The following FAM110B variants were observed in gnomAD, a reference collection of about 807,000 sequenced individuals.
FAM110B encodes the protein protein FAM110B.
In FAM110B, 6 loss-of-function variants were observed where a neutral mutation model predicts 20.4. That is an observed-to-expected ratio of 0.29 (90% CI 0.16 to 0.58). FAM110B has a LOEUF of 0.58. Among genes scored for constraint, FAM110B ranks in the 20% least tolerant of loss-of-function variants. FAM110B has a pLI of 0.90. For synonymous variants in FAM110B, 226 were observed against 214.1 expected (o/e 1.06, Z -0.49); for missense variants, 434 against 498.2 (o/e 0.87, Z 1.23).
chr8:58,121,123 G>A lies in FAM110B; in HGVS notation c.-324-24784G>A, dbSNP rs79941893. The stretch of plus-strand genomic sequence containing the variant: ...GTGGCAAGTTCATGCAGAAAAATCA[G>A]CACTGTAATAGGATGAGGCGCGATG... On this transcript the variant is annotated intron_variant, in intron 3 of 3. Transcript: ENST00000519262. Among the ~76,000 whole-genome samples the A allele has an allele frequency of 3.6e-3, 547 of 152,286 alleles. 1 individual carries two copies. The highest frequency in any genetic ancestry group is 7.0e-3 in the Admixed American group (107 of 15,290).
chr8:58,067,412 T>C (rs7812600), intron 2 of FAM110B, among the ~76,000 whole-genome samples: 7,484 of 152,270 alleles, frequency 0.049, 221 homozygotes, highest in South Asian at 0.11. Flanking sequence ...CTCAGGGAGC[T>C]TGAGCCAAAC....
At chr8:57,997,705 A>G (rs1475725423) in intron 1 of FAM110B, among the ~76,000 whole-genome samples, 1 of 152,224 alleles carries the variant, frequency 6.6e-6, no homozygotes, top group Non-Finnish European at 1.5e-5. Flanking sequence ...GACTCATCCA[A>G]GAAAAATACA....
At chr8:58,017,285 G>C (rs1356864764) in intron 1 of FAM110B, among the ~76,000 whole-genome samples, 1 of 152,232 alleles carries the variant, frequency 6.6e-6, no homozygotes, top group Non-Finnish European at 1.5e-5. Context: ...TAAGAGACTG[G>C]CTGAGGGATA....
chr8:58,118,014 A>C (rs1807259895), intron 3 of FAM110B, among the ~76,000 whole-genome samples: 1 of 152,168 alleles, frequency 6.6e-6, no homozygotes, highest in South Asian at 2.1e-4. Flanking sequence ...AAAATATCGG[A>C]AAGATTCTAG....
chr8:58,136,306 C>T (rs150449226), intron 3 of FAM110B, among the ~76,000 whole-genome samples: 64 of 152,070 alleles, frequency 4.2e-4, no homozygotes, highest in African/African-American at 1.3e-3. Flanking sequence ...CACCGTGCCC[C>T]GGCCCAGCAA....
chr8:58,142,491 G>A (rs1803763633), intron 3 of FAM110B, among the ~76,000 whole-genome samples: 1 of 152,126 alleles, frequency 6.6e-6, no homozygotes, highest in Non-Finnish European at 1.5e-5. Flanking sequence ...CTGGCTCTAT[G>A]TGCCACCTGT....
chr8:58,067,513 C>T lies in FAM110B; in HGVS notation c.-413-8022C>T, dbSNP rs963148502. On this transcript the variant is annotated intron_variant, in intron 2 of 3. Coordinates refer to ENST00000519262, the MANE Select transcript of FAM110B (RefSeq NM_001377989.1). ...GCCAGCCTCTCCACGACCTTCACAG[C>T]TCTTGAATATCTTTTGCCACACTCC... Among the ~76,000 whole-genome samples the T allele has an allele frequency of 4.6e-5, 7 of 152,324 alleles. No homozygotes were observed. The Middle Eastern group carries it at 0.014, about 296-fold the overall frequency.
rs568857000 is a variant in FAM110B at position 58,097,341 on chromosome 8, TGATACTTG to T, written c.-325+21719_-325+21726del. ...TATTCTGTTTGATTGATTTGGCTAT[TGATACTTG>T]TGTATGCTTCACAAAGTTGTCGTGC... On this transcript the variant is annotated intron_variant, in intron 3 of 3. Transcript: ENST00000519262. Among the ~76,000 whole-genome samples, 5 of 152,372 alleles carry T rather than the reference TGATACTTG, an allele frequency of 3.3e-5. No individual in the cohort carries two copies. The South Asian group carries it at 1.0e-3, about 32-fold the overall frequency.
intron 3 of FAM110B, among the ~76,000 whole-genome samples, chr8:58,104,355 A>C (rs1463272185): frequency 6.6e-6 from 1 of 152,204 alleles, no homozygotes; most frequent in Non-Finnish European, 1.5e-5. Flanking sequence ...AAAATTACCT[A>C]TTGAAACTAC....
chr8:58,111,511 TG>T (rs1807056685), intron 3 of FAM110B, among the ~76,000 whole-genome samples: 1 of 152,214 alleles, frequency 6.6e-6, no homozygotes, highest in Admixed American at 6.5e-5. Flanking sequence ...GTGGGAACAC[TG>T]GAAGTCTAAA....
chr8:58,003,050 T>C (rs1585802108), intron 1 of FAM110B, among the ~76,000 whole-genome samples: 4 of 152,246 alleles, frequency 2.6e-5, no homozygotes, highest in African/African-American at 9.6e-5. Context: ...TCTCAAACCC[T>C]GCCACTGTTT....
chr8:58,031,703 G>A lies in FAM110B; in HGVS notation c.-414G>A, dbSNP rs1259951615. 1 of 152,092 alleles carries A rather than the reference G, an allele frequency of 6.6e-6. No homozygotes were observed. Among genetic ancestry groups the A allele is most frequent in the East Asian group, 1.9e-4 (1 of 5,190 alleles). 9.4% of individuals were successfully genotyped at this position (152,092 alleles called of 1,614,324 possible). ...TGTAAGTCCTGAAAAGGAAATAAAA[G>A]GTAATTACATTAAAAATTTATTATT... On this transcript the variant is annotated splice_region_variant and 5_prime_UTR_variant, in exon 2 of 4. Transcript: ENST00000519262.
At chr8:57,998,438 A>C (rs1177449246) in intron 1 of FAM110B, among the ~76,000 whole-genome samples, 1 of 152,212 alleles carries the variant, frequency 6.6e-6, no homozygotes, top group Non-Finnish European at 1.5e-5. Flanking sequence ...ACTTAAGTAC[A>C]TCAGAGGGGA....
At chr8:58,033,258 T>G (rs1805006460) in intron 2 of FAM110B, among the ~76,000 whole-genome samples, 1 of 152,194 alleles carries the variant, frequency 6.6e-6, no homozygotes, top group Non-Finnish European at 1.5e-5. Context: ...TCTGTAGTAT[T>G]CCATGGTGTG....
intron 2 of FAM110B, among the ~76,000 whole-genome samples, chr8:58,042,641 T>C (rs994802868): frequency 3.3e-5 from 5 of 152,238 alleles, no homozygotes; most frequent in African/African-American, 1.2e-4. Flanking sequence ...TGAGTAGGAC[T>C]GCGCTTTTCT....
chr8:58,018,042 T>C (rs766742684), intron 1 of FAM110B, among the ~76,000 whole-genome samples: 1 of 152,238 alleles, frequency 6.6e-6, no homozygotes, highest in Non-Finnish European at 1.5e-5. Context: ...AAAAATGTTA[T>C]TGTTTTTGTA....
intron 3 of FAM110B, among the ~76,000 whole-genome samples, chr8:58,079,153 G>A (rs1806121336): frequency 6.6e-6 from 1 of 152,156 alleles, no homozygotes; most frequent in South Asian, 2.1e-4. Flanking sequence ...GTACAGTCAG[G>A]TGTGGCTCCT....
intron 3 of FAM110B, among the ~76,000 whole-genome samples, chr8:58,083,876 A>G (rs1041690566): frequency 6.6e-6 from 1 of 152,216 alleles, no homozygotes; most frequent in Non-Finnish European, 1.5e-5. Flanking sequence ...GAAGAACAGT[A>G]ACTAGTAGTG....
At chr8:58,006,299 G>A (rs374789219) in intron 1 of FAM110B, among the ~76,000 whole-genome samples, 1 of 152,208 alleles carries the variant, frequency 6.6e-6, no homozygotes, top group African/African-American at 2.4e-5. Flanking sequence ...TGTTTAGAAT[G>A]CTCTGGACTT....
Sources: gnomAD v4.1 joint callset for allele counts (sites outside exome capture counted in the v4.1 genomes callset) on GRCh38, gnomAD v4.1.1 for gene constraint, MANE v1.5 for transcripts, NCBI Gene and HGNC (gene_info 2026-07-23, HGNC 2026-07-21) for gene names.